MEGF10: variants seen among roughly 807,000 people sequenced by gnomAD.
The protein encoded by MEGF10 is multiple epidermal growth factor-like domains protein 10.
Under a neutral mutation model 147.5 loss-of-function variants are expected in MEGF10, and 86 were observed. The ratio of observed to expected loss-of-function variants is 0.58; its 90% confidence interval spans 0.49 to 0.70. The LOEUF (loss-of-function observed/expected upper bound fraction) is 0.70, where lower values mean the gene tolerates loss of function less well. Among genes scored for constraint, MEGF10 ranks in the 30% least tolerant of loss-of-function variants. MEGF10 has a pLI of 0.00. For synonymous variants in MEGF10, 478 were observed against 525.5 expected (o/e 0.91, Z 1.24); for missense variants, 1,329 against 1,487.3 (o/e 0.89, Z 1.75).
At chr5:127,356,516 T>G (rs554520218) in intron 4 of MEGF10, among the ~76,000 whole-genome samples, 2 of 152,338 alleles carry the variant, frequency 1.3e-5, no homozygotes, top group South Asian at 4.1e-4. Flanking sequence ...CCTGACCGGC[T>G]GGCCACGTTG....
chr5:127,423,221 G>A (rs909549438), intron 13 of MEGF10, among the ~76,000 whole-genome samples: 7 of 152,210 alleles, frequency 4.6e-5, no homozygotes, highest in Non-Finnish European at 8.8e-5. Context: ...TTCATTGCTG[G>A]AAGTAAAAGT....
At chr5:127,260,487 G>A in the MEGF10 span, among the ~76,000 whole-genome samples, 1 of 152,148 alleles carries the variant, frequency 6.6e-6, no homozygotes, top group Admixed American at 6.5e-5. Flanking sequence ...TCATAACTAG[G>A]TCGCATGCTC....
intron 7 of MEGF10, 126 bp from the exon 8 acceptor site, chr5:127,402,420 A>G (rs538060462): frequency 3.0e-6 from 3 of 1,002,182 alleles, no homozygotes; most frequent in East Asian, 4.9e-5. Flanking sequence ...AAAATTCTCT[A>G]ATCTAATTTT....
the MEGF10 span, among the ~76,000 whole-genome samples, chr5:127,247,284 TGGG>T: frequency 9.7e-6 from 1 of 102,952 alleles, no homozygotes; most frequent in Non-Finnish European, 2.0e-5. Context: ...TGTGTGTGGT[TGGG>T]GGGTGGGGGA....
In MEGF10 at chr5:127,374,448, C is replaced by T. The variant is rs531042943; in HGVS notation, c.412+4446C>T. 3.5e-3 allele frequency among the ~76,000 whole-genome samples: 532 copies of T among 152,278 alleles called. 1 individual carries two copies. Among genetic ancestry groups the T allele is most frequent in the African/African-American group, 9.4e-3 (392 of 41,552 alleles). ...AAGGCAATAAACTGATAACTGTTGA[C>T]GCATACTCCTTTGGTTATCCAATTC... On this transcript the variant is annotated intron_variant, in intron 5 of 24. Coordinates refer to ENST00000503335, the MANE Select transcript of MEGF10 (RefSeq NM_001256545.2).
At chr5:127,401,703 A>G (rs1226030788) in intron 7 of MEGF10, among the ~76,000 whole-genome samples, 2 of 152,244 alleles carry the variant, frequency 1.3e-5, no homozygotes, top group East Asian at 3.9e-4. Flanking sequence ...ATGAGAAGCT[A>G]TGAGCCCAAG....
At chr5:127,265,013 A>T in the MEGF10 span, among the ~76,000 whole-genome samples, 1 of 151,948 alleles carries the variant, frequency 6.6e-6, no homozygotes, top group African/African-American at 2.4e-5. Context: ...GGTGTGCTGC[A>T]CCTATTAACT....
chr5:127,247,447 A>C, the MEGF10 span, among the ~76,000 whole-genome samples: 1 of 67,448 alleles, frequency 1.5e-5, no homozygotes, highest in South Asian at 4.5e-4. Flanking sequence ...GAAGAAGAAG[A>C]AGAAGAAGAA....
intron 4 of MEGF10, 108 bp from the exon 5 acceptor site, chr5:127,369,802 G>T: frequency 1.3e-6 from 1 of 755,376 alleles, no homozygotes; most frequent in Non-Finnish European, 2.2e-6. Context: ...TATCAAGCAT[G>T]CATGTTGTTT....
At chr5:127,425,630 T>A (rs897353492) in intron 13 of MEGF10, among the ~76,000 whole-genome samples, 1 of 152,046 alleles carries the variant, frequency 6.6e-6, no homozygotes, top group Non-Finnish European at 1.5e-5. Context: ...TTTTTTTTTT[T>A]AAAGAAAGAG....
At chr5:127,374,398 C>T (rs181779693) in intron 5 of MEGF10, among the ~76,000 whole-genome samples, 1 of 152,096 alleles carries the variant, frequency 6.6e-6, no homozygotes, top group South Asian at 2.1e-4. Flanking sequence ...GTAGAGCAGG[C>T]AATGAAGGAT....
chr5:127,247,446 GA>G, the MEGF10 span, among the ~76,000 whole-genome samples: 2 of 120,442 alleles, frequency 1.7e-5, no homozygotes, highest in Non-Finnish European at 1.7e-5. Flanking sequence ...AGAAGAAGAA[GA>G]AGAAGAAGAA....
chr5:127,407,098 T>A (rs115677616), intron 8 of MEGF10, among the ~76,000 whole-genome samples: 12 of 152,218 alleles, frequency 7.9e-5, no homozygotes, highest in African/African-American at 2.9e-4. Flanking sequence ...TAGACAGGAA[T>A]TGGGGGAATG....
In MEGF10 at chr5:127,340,645, C is replaced by G. The variant is rs1275647666; in HGVS notation, c.319+15C>G. On this transcript the variant is annotated intron_variant, in intron 4 of 24. Transcript: ENST00000503335. Reference sequence around the variant, plus strand: ...AATGTGTGTCCGTAAGTAAGACTGTCACCCCTTTGAGATTCGCTAGTTTTT... The same window carrying G: ...AATGTGTGTCCGTAAGTAAGACTGTGACCCCTTTGAGATTCGCTAGTTTTT... 6.2e-7 allele frequency: 1 copy of G among 1,602,902 alleles called. No individual in the cohort carries two copies. The highest frequency in any genetic ancestry group is 8.5e-7 in the Non-Finnish European group (1 of 1,170,576).
chr5:127,351,115 A>AT, intron 4 of MEGF10, among the ~76,000 whole-genome samples: 1 of 152,312 alleles, frequency 6.6e-6, no homozygotes, highest in Admixed American at 6.5e-5. Flanking sequence ...TAATAATTTA[A>AT]TTGTACTTTA....
chr5:127,246,185 G>A, the MEGF10 span, among the ~76,000 whole-genome samples: 3 of 152,156 alleles, frequency 2.0e-5, no homozygotes, highest in Non-Finnish European at 2.9e-5. Flanking sequence ...GTTCACAATA[G>A]CAAAGACTTG....
intron 18 of MEGF10, 145 bp downstream of exon 18, chr5:127,441,012 C>T (rs1026072292): frequency 1.9e-6 from 2 of 1,077,446 alleles, no homozygotes; most frequent in Non-Finnish European, 2.6e-6. Context: ...TGACTGACTT[C>T]CCCTCCCAGA....
chr5:127,254,451 A>G, the MEGF10 span, among the ~76,000 whole-genome samples: 1 of 152,182 alleles, frequency 6.6e-6, no homozygotes, highest in Admixed American at 6.5e-5. Flanking sequence ...GACAAATATT[A>G]ATACTTTTCA....
At chr5:127,247,287 G>A in the MEGF10 span, among the ~76,000 whole-genome samples, 1 of 118,070 alleles carries the variant, frequency 8.5e-6, no homozygotes, top group Non-Finnish European at 1.8e-5. Flanking sequence ...GTGTGGTTGG[G>A]GGGTGGGGGA....
Sources: gnomAD v4.1 joint callset for allele counts (sites outside exome capture counted in the v4.1 genomes callset) on GRCh38, gnomAD v4.1.1 for gene constraint, MANE v1.5 for transcripts, NCBI Gene and HGNC (gene_info 2026-07-23, HGNC 2026-07-21) for gene names.